The following RNLS variants were observed in gnomAD, a reference collection of about 807,000 sequenced individuals.
The protein encoded by RNLS is renalase.
A neutral mutation model predicts 39.8 loss-of-function variants in RNLS; 39 were observed. The observed-to-expected ratio is 0.98, with a 90% CI of 0.76 to 1.28. RNLS has a LOEUF of 1.28. Among genes scored for constraint, RNLS ranks in the 50% most tolerant of loss-of-function variants. The pLI, the probability that RNLS is intolerant of heterozygous loss-of-function variation, is 0.00. For missense variants in RNLS, 410 were observed against 413.3 expected (o/e 0.99, Z 0.07); for synonymous variants, 147 against 150.7 (o/e 0.98, Z 0.18).
chr10:88,310,818 A>G (rs1333374466), intron 6 of RNLS, among the ~76,000 whole-genome samples: 9 of 145,600 alleles, frequency 6.2e-5, no homozygotes, highest in Admixed American at 6.1e-4. Flanking sequence ...AAAAAAAAAA[A>G]AAAAAAAAAG....
At chr10:88,292,685 C>A (rs1285154390) in intron 6 of RNLS, among the ~76,000 whole-genome samples, 1 of 151,852 alleles carries the variant, frequency 6.6e-6, no homozygotes, top group African/African-American at 2.4e-5. Context: ...TATGCATGAG[C>A]CTTGACAGCA....
At chr10:88,532,424 A>G (rs530032812) in intron 4 of RNLS, among the ~76,000 whole-genome samples, 75 of 152,150 alleles carry the variant, frequency 4.9e-4, no homozygotes, top group African/African-American at 1.7e-3. Context: ...TGATTTTTCC[A>G]TAATCTAGTT....
chr10:88,580,875 A>G (rs1306724366), intron 3 of RNLS, among the ~76,000 whole-genome samples: 1 of 152,208 alleles, frequency 6.6e-6, no homozygotes, highest in Non-Finnish European at 1.5e-5. Context: ...TCTCATCACT[A>G]TTGGTGAGAT....
At chr10:88,226,691 T>C in the RNLS span, among the ~76,000 whole-genome samples, 2 of 151,722 alleles carry the variant, frequency 1.3e-5, no homozygotes, top group Non-Finnish European at 2.9e-5. Context: ...TCTAATTTTT[T>C]AACCATTTAA....
chr10:88,218,333 T>C, the RNLS span, among the ~76,000 whole-genome samples: 26 of 152,236 alleles, frequency 1.7e-4, no homozygotes, highest in Non-Finnish European at 3.4e-4. Flanking sequence ...AAATGAATAA[T>C]ATAAGGCTAG....
the RNLS span, among the ~76,000 whole-genome samples, chr10:88,245,099 A>T: frequency 1.3e-5 from 2 of 152,250 alleles, no homozygotes; most frequent in African/African-American, 4.8e-5. Context: ...CTTTGCCCAT[A>T]TGAAACAAAT....
chr10:88,358,832 T>C (rs1849401561), intron 5 of RNLS, among the ~76,000 whole-genome samples: 1 of 152,220 alleles, frequency 6.6e-6, no homozygotes, highest in Non-Finnish European at 1.5e-5. Flanking sequence ...CTAGCTCTCT[T>C]CAAGACTTAA....
chr10:88,549,839 T>C (rs2134330000), intron 4 of RNLS, among the ~76,000 whole-genome samples: 1 of 152,376 alleles, frequency 6.6e-6, no homozygotes, highest in South Asian at 2.1e-4. Flanking sequence ...TATTCACAAA[T>C]TGAAATCTGT....
At chr10:88,330,086 T>TATAA (rs1846988847) in intron 5 of RNLS, among the ~76,000 whole-genome samples, 1 of 143,580 alleles carries the variant, frequency 7.0e-6, no homozygotes, top group African/African-American at 2.5e-5. Context: ...TATATATATA[T>TATAA]ATATAAATAT....
the RNLS span, among the ~76,000 whole-genome samples, chr10:88,194,538 A>G: frequency 1.3e-5 from 2 of 152,240 alleles, no homozygotes; most frequent in Non-Finnish European, 2.9e-5. Context: ...AGAATAGGTC[A>G]TGCTTTGTCA....
intron 5 of RNLS, among the ~76,000 whole-genome samples, chr10:88,355,933 C>G (rs570262021): frequency 1.3e-5 from 2 of 152,336 alleles, no homozygotes; most frequent in Admixed American, 6.5e-5. Flanking sequence ...CCCCCAGCCT[C>G]GCTGCTGCCT....
At chr10:88,443,456 G>A (rs567445570) in intron 4 of RNLS, among the ~76,000 whole-genome samples, 27 of 152,226 alleles carry the variant, frequency 1.8e-4, no homozygotes, top group East Asian at 1.2e-3. Context: ...TGGGCTTGTC[G>A]GACAGTGGGT....
intron 4 of RNLS, among the ~76,000 whole-genome samples, chr10:88,548,813 A>T (rs1332937854): frequency 6.6e-6 from 1 of 151,584 alleles, no homozygotes; most frequent in Non-Finnish European, 1.5e-5. Flanking sequence ...ATAATTCTGA[A>T]TAAATCTGTA....
At chr10:88,547,635 T>C (rs1239628077) in intron 4 of RNLS, among the ~76,000 whole-genome samples, 1 of 152,230 alleles carries the variant, frequency 6.6e-6, no homozygotes, top group Non-Finnish European at 1.5e-5. Context: ...AAAATGTCTA[T>C]GCTTAAATGA....
At chr10:88,511,473 A>G (rs1012096399) in intron 4 of RNLS, among the ~76,000 whole-genome samples, 2 of 152,114 alleles carry the variant, frequency 1.3e-5, no homozygotes, top group African/African-American at 4.8e-5. Context: ...AAGCAGGTGG[A>G]ATTCCTGAGC....
intron 4 of RNLS, among the ~76,000 whole-genome samples, chr10:88,470,040 G>A (rs1843431831): frequency 6.6e-6 from 1 of 151,808 alleles, no homozygotes; most frequent in African/African-American, 2.4e-5. Flanking sequence ...TTTCATAAAT[G>A]AATTAGTAGT....
At chr10:88,571,976 C>G (rs1849864811) in intron 4 of RNLS, among the ~76,000 whole-genome samples, 1 of 152,132 alleles carries the variant, frequency 6.6e-6, no homozygotes, top group African/African-American at 2.4e-5. Context: ...CTCATCTGTG[C>G]TGAGTCAAAG....
At chr10:88,384,509 A>T (rs1424174977) in intron 4 of RNLS, among the ~76,000 whole-genome samples, 2 of 152,236 alleles carry the variant, frequency 1.3e-5, no homozygotes, top group African/African-American at 4.8e-5. Context: ...TTCCCTTACC[A>T]GTGTATGACC....
At chr10:88,398,410 G>T (rs1231003639) in intron 4 of RNLS, among the ~76,000 whole-genome samples, 1 of 151,956 alleles carries the variant, frequency 6.6e-6, no homozygotes, top group Non-Finnish European at 1.5e-5. Context: ...GAGTGTGAGA[G>T]CTGGTTAAAG....
Sources: allele counts gnomAD v4.1 joint callset (sites outside exome capture counted in the v4.1 genomes callset), GRCh38; gene constraint gnomAD v4.1.1; transcripts MANE v1.5; gene names NCBI Gene and HGNC (gene_info 2026-07-23, HGNC 2026-07-21).